PAEP: variants seen among roughly 807,000 people sequenced by gnomAD.
PAEP encodes the protein progestagen associated endometrial protein, also known as glycodelin.
PAEP carries 28 observed loss-of-function variants against 23.0 expected under a neutral mutation model. The observed-to-expected ratio is 1.22, with a 90% CI of 0.90 to 1.67. PAEP has a LOEUF of 1.67. Ranked by LOEUF, PAEP falls within the 40% of genes most tolerant of loss-of-function variation. PAEP has a pLI of 0.00. For missense variants in PAEP, 209 were observed against 226.4 expected (o/e 0.92, Z 0.49); for synonymous variants, 103 against 92.4 (o/e 1.12, Z -0.66).
chr9:135,563,726 A>T (rs1041866662), intron 3 of PAEP, among the ~76,000 whole-genome samples: 8 of 152,072 alleles, frequency 5.3e-5, no homozygotes, highest in African/African-American at 1.9e-4. Context: ...GTTAATTATT[A>T]TTTTTTTAAA....
chr9:135,566,107 G>A lies in PAEP; in HGVS notation c.*306G>A, dbSNP rs945418108. ...ATGGTGGGGGCTATAGGAGGAGGAA[G>A]GAGGATGGTTACATGGAAGGGCATG... On this transcript the variant is annotated intron_variant, in intron 6 of 6. Transcript: ENST00000479141. The A allele has an allele frequency of 2.9e-5, 12 of 407,302 alleles. No individual in the cohort carries two copies. In the Admixed American group the frequency reaches 4.7e-4, roughly 16 times the overall value. 25.2% of individuals were successfully genotyped at this position (407,302 alleles called of 1,614,324 possible).
intron 3 of PAEP, among the ~76,000 whole-genome samples, chr9:135,563,276 A>G (rs1306268943): frequency 6.6e-6 from 1 of 151,186 alleles, no homozygotes; most frequent in African/African-American, 2.4e-5. Flanking sequence ...GCAGGAGGGT[A>G]GGTGAACAGG....
chr9:135,563,696 G>A (rs1832443847), intron 3 of PAEP, among the ~76,000 whole-genome samples: 1 of 152,174 alleles, frequency 6.6e-6, no homozygotes, highest in Non-Finnish European at 1.5e-5. Context: ...CTAACAATTT[G>A]CAACATTTTG....
intron 4 of PAEP, 108 bp downstream of exon 4, chr9:135,564,462 G>C (rs753955008): frequency 4.3e-5 from 64 of 1,486,078 alleles, no homozygotes; most frequent in Non-Finnish European, 5.0e-5. Flanking sequence ...CTCGGTGCCT[G>C]TGGGCTGACT....
At position 135,562,298 on chromosome 9, in the gene PAEP, C is replaced by T. The variant is rs746780851; in HGVS notation, c.101C>T (p.Ala34Val). ...TKQDLELPKL[A>V]GTWHSMAMAT... is the part of the protein sequence containing the mutation. Reference sequence around the variant, plus strand: ...TGCAGCCCAAGGCCCCCTCAGTTGGCAGGGACCTGGCACTCCATGGCCATG... The same window carrying T: ...TGCAGCCCAAGGCCCCCTCAGTTGGTAGGGACCTGGCACTCCATGGCCATG... The change falls in exon 2 of 7, where the codon GCA becomes GTA. Residue 34 changes from alanine (A) to valine (V), a missense_variant. Coordinates refer to ENST00000479141, the MANE Select transcript of PAEP (RefSeq NM_002571.4). 2 of 1,613,554 alleles carry T rather than the reference C, an allele frequency of 1.2e-6. No individual in the cohort carries two copies. The highest frequency in any genetic ancestry group is 1.3e-5 in the African/African-American group (1 of 75,050).
intron 1 of PAEP, 107 bp from the exon 2 acceptor site, chr9:135,562,187 A>C (rs1171710416): frequency 7.8e-7 from 1 of 1,283,960 alleles, no homozygotes; most frequent in African/African-American, 1.5e-5. Flanking sequence ...GCAGACAACC[A>C]TCCAATGCTC....
chr9:135,563,433 AG>A (rs1239605712), intron 3 of PAEP, among the ~76,000 whole-genome samples: 1 of 89,790 alleles, frequency 1.1e-5, no homozygotes, highest in African/African-American at 4.4e-5. Context: ...TGGGCAGGTG[AG>A]TAGGTGAACA....
In PAEP at chr9:135,565,281, C is replaced by T. The variant is rs539029673; in HGVS notation, c.422-129C>T. On this transcript the variant is annotated intron_variant, in intron 4 of 6. Transcript: ENST00000479141. ...GACCGCCCTAGGGACCTACTCCAGA[C>T]CAAACTCTGCCAGACCTCGGAGCAC... 5.2e-6 allele frequency: 4 copies of T among 773,162 alleles called. No individual in the cohort carries two copies. The Admixed American group carries it at 8.5e-5, about 16-fold the overall frequency. 47.9% of individuals were successfully genotyped at this position (773,162 alleles called of 1,614,324 possible). A position where few individuals can be genotyped will look rare whatever the true frequency, so the allele number is the denominator to read the frequency against.
At position 135,561,891 on chromosome 9, in the gene PAEP, C is replaced by T. The variant is rs566875640; in HGVS notation, c.90C>T (p.Leu30=). 4.9e-5 allele frequency: 77 copies of T among 1,563,410 alleles called. No individual in the cohort carries two copies. In the East Asian group the frequency reaches 1.6e-3, roughly 32 times the overall value. Residue 30 remains leucine, a synonymous_variant, in exon 1 of 7, where the codon CTC becomes CTT. Coordinates refer to ENST00000479141, the MANE Select transcript of PAEP (RefSeq NM_002571.4). ...CCCAGACCAAGCAGGACCTGGAGCT[C>T]CCAAAGGTTTGAGGCTGGGGGAGCG... ...DIPQTKQDLE[L]PKLAGTWHSM...
chr9:135,562,039 C>T (rs1294987986), intron 1 of PAEP, 142 bp downstream of exon 1: 1 of 772,776 alleles, frequency 1.3e-6, no homozygotes, highest in African/African-American at 1.8e-5. Context: ...CTCAGCCCTG[C>T]TCTCCATCTT....
chr9:135,564,415 G>T, intron 4 of PAEP, 61 bp downstream of exon 4: 1 of 1,533,302 alleles, frequency 6.5e-7, no homozygotes, highest in Non-Finnish European at 8.8e-7. Flanking sequence ...TCCGTGGCTG[G>T]GAACCCTGGG....
chr9:135,562,360 G>A lies in PAEP; in HGVS notation c.163G>A (p.Ala55Thr). Residue 55 changes from alanine to threonine, a missense_variant, in exon 2 of 7, where the codon GCC (alanine) becomes ACC (threonine). By Grantham distance (58) the Ala-to-Thr change is moderately conservative. Coordinates refer to ENST00000479141, the MANE Select transcript of PAEP (RefSeq NM_002571.4). ...NNISLMATLKAPLRVHITSLL... is the reference protein window; with the variant it reads ...NNISLMATLKTPLRVHITSLL... ...CATCTCCCTCATGGCGACACTGAAG[G>A]CCCCTCTGAGGGTCCACATCACCTC... is the stretch of plus-strand genomic sequence containing the variant. The A allele has an allele frequency of 6.2e-7, 1 of 1,614,118 alleles. No homozygotes were observed. Among genetic ancestry groups the A allele is most frequent in the African/African-American group, 1.3e-5 (1 of 75,040 alleles).
chr9:135,562,652 C>CA (rs1832364987), intron 2 of PAEP, among the ~76,000 whole-genome samples, 168 bp from the exon 3 acceptor site: 2 of 152,310 alleles, frequency 1.3e-5, no homozygotes, highest in African/African-American at 4.8e-5. Flanking sequence ...GGCCAACAGC[C>CA]AACCACACAG....
At chr9:135,564,454 C>T (rs935741158) in intron 4 of PAEP, 100 bp downstream of exon 4, 117 of 1,503,056 alleles carry the variant, frequency 7.8e-5, no homozygotes, top group Middle Eastern at 2.4e-4. Context: ...CTGTCCACCT[C>T]GGTGCCTGTG....
rs777682171 is a variant in PAEP at position 135,565,737 on chromosome 9, C to G, written c.527-48C>G. The G allele has an allele frequency of 1.1e-5, 17 of 1,610,478 alleles. No individual in the cohort carries two copies. The South Asian group carries it at 1.5e-4, about 15-fold the overall frequency. On this transcript the variant is annotated intron_variant, in intron 5 of 6. Transcript: ENST00000479141. ...AGCCCTGGGGCTGCTGTGTCCCCAG[C>G]TGTCTCTTCTCTCGCTGACACCTCC...
At chr9:135,564,104 T>C (rs1260887507) in intron 3 of PAEP, 140 bp from the exon 4 acceptor site, 6 of 1,326,026 alleles carry the variant, frequency 4.5e-6, no homozygotes, top group African/African-American at 3.0e-5. Flanking sequence ...TCCCTGATCA[T>C]GGTCCACAGC....
At chr9:135,562,213 G>A (rs902248823) in intron 1 of PAEP, 81 bp from the exon 2 acceptor site, 4 of 1,518,304 alleles carry the variant, frequency 2.6e-6, no homozygotes, top group Non-Finnish European at 3.6e-6. Flanking sequence ...ACCCATCCCA[G>A]TTAGACTCAG....
At chr9:135,562,046 T>G in intron 1 of PAEP, 149 bp downstream of exon 1, 2 of 765,254 alleles carry the variant, frequency 2.6e-6, no homozygotes, top group Non-Finnish European at 4.2e-6. Flanking sequence ...CTGCTCTCCA[T>G]CTTTAGGGTG....
At chr9:135,562,786 A>C in intron 2 of PAEP, 34 bp from the exon 3 acceptor site, 1 of 1,560,132 alleles carries the variant, frequency 6.4e-7, no homozygotes, top group African/African-American at 1.4e-5. Context: ...CTCCAATTCA[A>C]GTGGCCACTC....
Sources: gnomAD v4.1 joint callset for allele counts (sites outside exome capture counted in the v4.1 genomes callset) on GRCh38, gnomAD v4.1.1 for gene constraint, MANE v1.5 for transcripts, NCBI Gene and HGNC (gene_info 2026-07-23, HGNC 2026-07-21) for gene names.